The following ZNF521 variants were observed in gnomAD, a reference collection of about 807,000 sequenced individuals.
The protein encoded by ZNF521 is LYST-interacting protein 3.
ZNF521 carries 14 observed loss-of-function variants against 105.5 expected under a neutral mutation model. That is an observed-to-expected ratio of 0.13 (90% CI 0.09 to 0.21). The LOEUF is 0.21. Among genes scored for constraint, ZNF521 ranks in the 10% least tolerant of loss-of-function variants. The pLI is 1.00. For missense variants in ZNF521, 1,233 were observed against 1,629.7 expected (o/e 0.76, Z 4.19); for synonymous variants, 635 against 606.0 (o/e 1.05, Z -0.70).
At chr18:25,275,347 T>A (rs1267392335) in intron 3 of ZNF521, among the ~76,000 whole-genome samples, 1 of 152,110 alleles carries the variant, frequency 6.6e-6, no homozygotes, top group Non-Finnish European at 1.5e-5. Flanking sequence ...GGGGGACAAA[T>A]AAGCATGTTT....
chr18:25,119,621 TGAAAG>T (rs891810423), intron 5 of ZNF521, among the ~76,000 whole-genome samples: 15 of 152,104 alleles, frequency 9.9e-5, no homozygotes, highest in Admixed American at 9.8e-4. Flanking sequence ...GAATATACTT[TGAAAG>T]GAAAGATACT....
rs947453272 is a variant in ZNF521, at chr18:25,321,950, T to G, written c.220+58A>C. The G allele has an allele frequency of 2.0e-6, 3 of 1,497,038 alleles. No individual in the cohort carries two copies. In the African/African-American group the frequency reaches 4.2e-5, roughly 21 times the overall value. 92.7% of individuals were successfully genotyped at this position (1,497,038 alleles called of 1,614,324 possible). On this transcript the variant is annotated intron_variant, in intron 3 of 7. Coordinates refer to ENST00000361524, the MANE Select transcript of ZNF521 (RefSeq NM_015461.3). ...GAGAAAAACACATAAAGGAACAAACTGAAAAAATCAGAAATAGAACAGTAC... is the reference window on the plus strand; with the variant it reads ...GAGAAAAACACATAAAGGAACAAACGGAAAAAATCAGAAATAGAACAGTAC...
intron 2 of ZNF521, among the ~76,000 whole-genome samples, chr18:25,345,818 TAGA>T (rs1269359971): frequency 2.6e-5 from 4 of 152,208 alleles, no homozygotes; most frequent in South Asian, 4.1e-4. Context: ...GATAGATAAA[TAGA>T]AGAACATTTG....
At chr18:25,218,969 T>C (rs1417536598) in intron 4 of ZNF521, among the ~76,000 whole-genome samples, 1 of 152,156 alleles carries the variant, frequency 6.6e-6, no homozygotes, top group African/African-American at 2.4e-5. Context: ...AACCCTCCTC[T>C]TCTTCCTCTT....
intron 4 of ZNF521, among the ~76,000 whole-genome samples, chr18:25,212,381 A>G (rs1034359564): frequency 2.0e-5 from 3 of 150,134 alleles, no homozygotes; most frequent in East Asian, 2.0e-4. Context: ...ATGGTGGCGC[A>G]CACCTGTAGT....
intron 5 of ZNF521, among the ~76,000 whole-genome samples, chr18:25,133,111 T>G (rs554441280): frequency 6.6e-6 from 1 of 152,182 alleles, no homozygotes; most frequent in Non-Finnish European, 1.5e-5. Context: ...GTACCTACAA[T>G]TGAGGAAGCA....
At chr18:25,196,475 A>C (rs2035903382) in intron 4 of ZNF521, among the ~76,000 whole-genome samples, 1 of 151,038 alleles carries the variant, frequency 6.6e-6, no homozygotes, top group East Asian at 1.9e-4. Flanking sequence ...AAATGCCATT[A>C]ATATAAATTT....
intron 5 of ZNF521, among the ~76,000 whole-genome samples, chr18:25,144,961 T>TCCC (rs2034916213): frequency 6.6e-6 from 1 of 152,114 alleles, no homozygotes; most frequent in South Asian, 2.1e-4. Flanking sequence ...AACTCCATTC[T>TCCC]CCCCTTTGTG....
At chr18:25,129,845 G>A (rs2034608437) in intron 5 of ZNF521, among the ~76,000 whole-genome samples, 1 of 152,130 alleles carries the variant, frequency 6.6e-6, no homozygotes, top group African/African-American at 2.4e-5. Flanking sequence ...ACCAAATGCT[G>A]GCAATGATGC....
chr18:25,131,775 T>C (rs1247484466), intron 5 of ZNF521, among the ~76,000 whole-genome samples: 1 of 152,204 alleles, frequency 6.6e-6, no homozygotes, highest in East Asian at 1.9e-4. Context: ...GTTAATATTT[T>C]AATAGTTCAC....
At chr18:25,141,865 C>T (rs6508353) in intron 5 of ZNF521, among the ~76,000 whole-genome samples, 101,045 of 152,000 alleles carry the variant, frequency 0.66, 34,039 homozygotes, top group South Asian at 0.76. Flanking sequence ...CATCACCATA[C>T]GACTGTCGGT....
At chr18:25,066,327 C>A (rs1176280124) in intron 7 of ZNF521, among the ~76,000 whole-genome samples, 2 of 152,182 alleles carry the variant, frequency 1.3e-5, no homozygotes, top group African/African-American at 2.4e-5. Context: ...TCCTCAAGGG[C>A]TTGCCTTTGC....
chr18:25,075,689 G>GA (rs2033344193), intron 7 of ZNF521, among the ~76,000 whole-genome samples: 1 of 152,136 alleles, frequency 6.6e-6, no homozygotes, highest in African/African-American at 2.4e-5. Flanking sequence ...ACTAATGGAA[G>GA]AAAAAATTTC....
intron 2 of ZNF521, among the ~76,000 whole-genome samples, chr18:25,325,403 T>C (rs1405741878): frequency 1.3e-5 from 2 of 152,204 alleles, no homozygotes; most frequent in Non-Finnish European, 2.9e-5. Context: ...ATTACTCTGC[T>C]AGCCATTCAA....
intron 3 of ZNF521, among the ~76,000 whole-genome samples, chr18:25,242,314 A>C (rs1226955816): frequency 1.3e-5 from 2 of 152,132 alleles, no homozygotes; most frequent in Non-Finnish European, 2.9e-5. Flanking sequence ...TCAAACTTTC[A>C]CATTTGCCAA....
intron 5 of ZNF521, among the ~76,000 whole-genome samples, chr18:25,109,988 A>C (rs2034152296): frequency 6.6e-6 from 1 of 152,148 alleles, no homozygotes; most frequent in South Asian, 2.1e-4. Context: ...TAATCTTTAT[A>C]ATTCTTATAT....
chr18:25,078,834 T>C (rs1192372316), intron 7 of ZNF521, among the ~76,000 whole-genome samples: 1 of 152,224 alleles, frequency 6.6e-6, no homozygotes, highest in Admixed American at 6.5e-5. Context: ...GCCCTCTGCA[T>C]GTCCCATCAC....
intron 3 of ZNF521, among the ~76,000 whole-genome samples, chr18:25,238,520 G>A (rs1041474146): frequency 6.6e-6 from 1 of 152,150 alleles, no homozygotes; most frequent in Admixed American, 6.6e-5. Context: ...GGTATGGTCG[G>A]ATCAGGTATT....
At chr18:25,141,057 G>T (rs894161162) in intron 5 of ZNF521, among the ~76,000 whole-genome samples, 3 of 152,126 alleles carry the variant, frequency 2.0e-5, no homozygotes, top group Admixed American at 1.3e-4. Flanking sequence ...TGCCTCACCT[G>T]ATTCCTCTCA....
Sources: gnomAD v4.1 joint callset for allele counts (sites outside exome capture counted in the v4.1 genomes callset) on GRCh38, gnomAD v4.1.1 for gene constraint, MANE v1.5 for transcripts, NCBI Gene and HGNC (gene_info 2026-07-23, HGNC 2026-07-21) for gene names.